The following NRXN3 variants were observed in gnomAD, a reference collection of about 807,000 sequenced individuals.
The protein encoded by NRXN3 is neurexin 3.
Under a neutral mutation model 137.6 loss-of-function variants are expected in NRXN3, and 32 were observed. That is an observed-to-expected ratio of 0.23 (90% CI 0.18 to 0.31). The LOEUF is 0.31. NRXN3 is among the 10% of genes least tolerant of loss of function. The pLI, the probability that NRXN3 is intolerant of heterozygous loss-of-function variation, is 1.00. For missense variants in NRXN3, 1,574 were observed against 2,062.5 expected (o/e 0.76, Z 4.59); for synonymous variants, 798 against 784.5 (o/e 1.02, Z -0.29).
intron 8 of NRXN3, among the ~76,000 whole-genome samples, chr14:78,795,955 T>C (rs956170696): frequency 6.6e-6 from 1 of 152,200 alleles, no homozygotes; most frequent in Non-Finnish European, 1.5e-5. Flanking sequence ...TCACCCCTGC[T>C]CCTTGTTTTG....
chr14:78,745,849 A>G (rs770328597), intron 8 of NRXN3, among the ~76,000 whole-genome samples: 13 of 152,206 alleles, frequency 8.5e-5, no homozygotes, highest in Non-Finnish European at 1.6e-4. Flanking sequence ...GTCAAGACTA[A>G]CAGTTCTTGA....
intron 1 of NRXN3, among the ~76,000 whole-genome samples, chr14:78,193,806 C>T (rs2060970003): frequency 1.3e-5 from 2 of 148,940 alleles, no homozygotes; most frequent in South Asian, 4.3e-4. Flanking sequence ...GACCAGAAGA[C>T]AGAGTTCAGA....
At chr14:79,241,376 T>G (rs1168974752) in intron 15 of NRXN3, among the ~76,000 whole-genome samples, 2 of 152,142 alleles carry the variant, frequency 1.3e-5, no homozygotes, top group Non-Finnish European at 2.9e-5. Context: ...AGAGGTCCAG[T>G]GGACTCACAG....
chr14:78,726,347 C>A (rs1354902729), intron 8 of NRXN3, among the ~76,000 whole-genome samples: 2 of 152,040 alleles, frequency 1.3e-5, no homozygotes, highest in Non-Finnish European at 2.9e-5. Context: ...CCTAGACCCC[C>A]ACCCCCTAAC....
intron 17 of NRXN3, among the ~76,000 whole-genome samples, chr14:79,669,681 C>T (rs1191499773): frequency 1.3e-5 from 2 of 152,068 alleles, no homozygotes; most frequent in African/African-American, 4.8e-5. Flanking sequence ...TGCTCGGGCA[C>T]TGGTCTCAGG....
chr14:79,032,903 C>T (rs951664037), intron 15 of NRXN3, among the ~76,000 whole-genome samples: 2 of 152,122 alleles, frequency 1.3e-5, no homozygotes, highest in South Asian at 4.1e-4. Flanking sequence ...AATAACATCA[C>T]TTACTTCATA....
chr14:78,542,451 C>T (rs949979537), intron 4 of NRXN3, among the ~76,000 whole-genome samples: 17 of 152,344 alleles, frequency 1.1e-4, no homozygotes, highest in Middle Eastern at 6.8e-3. Context: ...CAGACTGTTG[C>T]GCTAGCAGTG....
intron 15 of NRXN3, among the ~76,000 whole-genome samples, chr14:79,085,927 A>C (rs1237873043): frequency 1.3e-5 from 2 of 152,160 alleles, no homozygotes; most frequent in Non-Finnish European, 2.9e-5. Flanking sequence ...CTTGCCTCTG[A>C]AGCTTATCCT....
intron 19 of NRXN3, among the ~76,000 whole-genome samples, chr14:79,730,299 G>A (rs1486064602): frequency 6.6e-6 from 1 of 152,100 alleles, no homozygotes; most frequent in African/African-American, 2.4e-5. Flanking sequence ...TGGCTGAGTG[G>A]GGCCTGAAGC....
chr14:78,255,745 A>C (rs879127129), intron 2 of NRXN3, among the ~76,000 whole-genome samples: 1 of 152,202 alleles, frequency 6.6e-6, no homozygotes, highest in Admixed American at 6.5e-5. Context: ...AAAAGCAGGT[A>C]CTCAATAAAT....
intron 15 of NRXN3, among the ~76,000 whole-genome samples, chr14:79,071,654 G>T (rs775233398): frequency 2.0e-5 from 3 of 152,100 alleles, no homozygotes; most frequent in Non-Finnish European, 4.4e-5. Context: ...TAGAAGGATG[G>T]TTACCAGAGG....
intron 16 of NRXN3, among the ~76,000 whole-genome samples, chr14:79,625,994 T>A (rs893653793): frequency 2.0e-5 from 3 of 152,306 alleles, no homozygotes; most frequent in African/African-American, 7.2e-5. Context: ...AAATACCAAA[T>A]ATAATTATAT....
At chr14:78,792,257 C>CAAA (rs140968788) in intron 8 of NRXN3, among the ~76,000 whole-genome samples, 13 of 19,456 alleles carry the variant, frequency 6.7e-4, no homozygotes, top group African/African-American at 3.3e-3. Flanking sequence ...AGACTAAAGG[C>CAAA]AAAAAAAAAA....
chr14:79,557,863 T>C (rs2097446898), intron 16 of NRXN3, among the ~76,000 whole-genome samples: 1 of 152,160 alleles, frequency 6.6e-6, no homozygotes, highest in Non-Finnish European at 1.5e-5. Flanking sequence ...CATGTAATGC[T>C]GTTTGATAGC....
chr14:79,082,922 C>A (rs1351232030), intron 15 of NRXN3, among the ~76,000 whole-genome samples: 1 of 152,138 alleles, frequency 6.6e-6, no homozygotes, highest in Admixed American at 6.6e-5. Context: ...TTCAGAGTAC[C>A]AGATAAATGG....
chr14:78,256,363 T>C (rs2069598794), intron 2 of NRXN3, among the ~76,000 whole-genome samples: 1 of 152,228 alleles, frequency 6.6e-6, no homozygotes, highest in East Asian at 1.9e-4. Flanking sequence ...GGAAGAATTC[T>C]CTGTTGGTTA....
At chr14:78,817,269 A>G (rs2098936628) in intron 10 of NRXN3, among the ~76,000 whole-genome samples, 1 of 152,210 alleles carries the variant, frequency 6.6e-6, no homozygotes, top group Non-Finnish European at 1.5e-5. Flanking sequence ...TAAGTTTCAT[A>G]TGAAATTTAG....
intron 17 of NRXN3, among the ~76,000 whole-genome samples, chr14:79,672,904 A>G (rs2098617779): frequency 6.6e-6 from 1 of 152,082 alleles, no homozygotes; most frequent in African/African-American, 2.4e-5. Context: ...TTTAAAGTCT[A>G]AAAAGAACAC....
chr14:78,788,873 A>T (rs912511268), intron 8 of NRXN3, among the ~76,000 whole-genome samples: 5 of 152,094 alleles, frequency 3.3e-5, no homozygotes, highest in African/African-American at 9.7e-5. Flanking sequence ...TAACTTGCAG[A>T]CCTGGAATTC....
Sources: allele counts gnomAD v4.1 joint callset (sites outside exome capture counted in the v4.1 genomes callset), GRCh38; gene constraint gnomAD v4.1.1; transcripts MANE v1.5; gene names NCBI Gene and HGNC (gene_info 2026-07-23, HGNC 2026-07-21).